RANBP2: variants seen among roughly 807,000 people sequenced by gnomAD.
The protein encoded by RANBP2 is E3 SUMO-protein ligase RanBP2.
Under a neutral mutation model 303.6 loss-of-function variants are expected in RANBP2, and 57 were observed. The observed-to-expected ratio is 0.19, with a 90% CI of 0.15 to 0.23. The LOEUF (loss-of-function observed/expected upper bound fraction) is 0.23. Among genes scored for constraint, RANBP2 ranks in the 10% least tolerant of loss-of-function variants. The probability of loss-of-function intolerance (pLI) is 1.00; values close to 1 mark genes in which losing one functional copy is unlikely to be tolerated. For synonymous variants in RANBP2, 1,167 were observed against 1,301.5 expected, an observed-to-expected ratio of 0.90 and a Z score of 2.23; for missense variants, 3,138 against 3,780.8, an observed-to-expected ratio of 0.83 and a Z score of 4.46.
At chr2:108,961,770 T>C in the RANBP2 span, among the ~76,000 whole-genome samples, 8 of 152,036 alleles carry the variant, frequency 5.3e-5, no homozygotes, top group African/African-American at 1.9e-4. Context: ...TCAGCCCATG[T>C]GTTGGGTCTT....
chr2:109,496,410 C>T, the RANBP2 span, among the ~76,000 whole-genome samples: 146 of 152,314 alleles, frequency 9.6e-4, no homozygotes, highest in African/African-American at 3.4e-3. Context: ...TTTTACAATC[C>T]TCTCATAAGA....
chr2:109,574,475 AG>A, the RANBP2 span: 1 of 669,754 alleles, frequency 1.5e-6, no homozygotes. Flanking sequence ...AATTTAAAAA[AG>A]ATGCACAGGA....
chr2:109,074,001 A>C, the RANBP2 span, among the ~76,000 whole-genome samples: 2 of 150,882 alleles, frequency 1.3e-5, no homozygotes, highest in Non-Finnish European at 3.0e-5. Flanking sequence ...AACAAAACCC[A>C]ACAATAAAAC....
the RANBP2 span, among the ~76,000 whole-genome samples, chr2:109,571,506 G>A: frequency 6.6e-6 from 1 of 152,184 alleles, no homozygotes; most frequent in African/African-American, 2.4e-5. Flanking sequence ...GTGTGTGTAT[G>A]TAGGCAACTA....
chr2:109,432,228 A>G, the RANBP2 span, among the ~76,000 whole-genome samples: 5 of 152,176 alleles, frequency 3.3e-5, no homozygotes, highest in African/African-American at 1.2e-4. Context: ...CCTATCTGTC[A>G]GATGGGCAGG....
the RANBP2 span, among the ~76,000 whole-genome samples, chr2:109,452,912 GGTGCC>G: frequency 1.3e-5 from 2 of 149,930 alleles, no homozygotes; most frequent in African/African-American, 4.9e-5. Context: ...CCGGGAGGCT[GGTGCC>G]AGGAGGCTGG....
At chr2:109,508,987 T>C in the RANBP2 span, among the ~76,000 whole-genome samples, 1 of 152,244 alleles carries the variant, frequency 6.6e-6, no homozygotes, top group Non-Finnish European at 1.5e-5. Flanking sequence ...TTGGCAAGAA[T>C]ACACAACACC....
the RANBP2 span, among the ~76,000 whole-genome samples, chr2:109,609,410 T>G: frequency 6.6e-6 from 1 of 152,042 alleles, no homozygotes; most frequent in Non-Finnish European, 1.5e-5. Context: ...GTTTACTTGA[T>G]GCAAAAGGTT....
At chr2:109,098,213 T>C in the RANBP2 span, among the ~76,000 whole-genome samples, 1 of 152,194 alleles carries the variant, frequency 6.6e-6, no homozygotes, top group Non-Finnish European at 1.5e-5. Context: ...CACTAAGCCT[T>C]GTTGGGCAAA....
the RANBP2 span, among the ~76,000 whole-genome samples, chr2:108,800,740 T>G: frequency 1.8e-5 from 2 of 113,182 alleles, no homozygotes; most frequent in East Asian, 6.4e-4. Context: ...ACTCATCATC[T>G]AGCATTAGGT....
At chr2:109,018,580 C>G in the RANBP2 span, among the ~76,000 whole-genome samples, 1 of 152,196 alleles carries the variant, frequency 6.6e-6, no homozygotes, top group Non-Finnish European at 1.5e-5. Context: ...CTCTCCACTC[C>G]CCTTCACTCT....
the RANBP2 span, among the ~76,000 whole-genome samples, chr2:109,553,833 G>A: frequency 1.1e-3 from 160 of 149,232 alleles, 2 homozygotes; most frequent in African/African-American, 3.8e-3. Context: ...CAGCCTGGGC[G>A]ACACAGCAAG....
At chr2:108,916,413 C>T in the RANBP2 span, among the ~76,000 whole-genome samples, 1 of 152,130 alleles carries the variant, frequency 6.6e-6, no homozygotes, top group Non-Finnish European at 1.5e-5. Flanking sequence ...GCCTAGAGAG[C>T]ACACAGACTT....
the RANBP2 span, among the ~76,000 whole-genome samples, chr2:109,197,042 T>A: frequency 1.3e-5 from 2 of 152,238 alleles, no homozygotes; most frequent in East Asian, 3.9e-4. Flanking sequence ...CTGTTTTCCC[T>A]TTTCTGCAGA....
At chr2:109,493,798 AC>A in the RANBP2 span, among the ~76,000 whole-genome samples, 1 of 152,102 alleles carries the variant, frequency 6.6e-6, no homozygotes, top group African/African-American at 2.4e-5. Flanking sequence ...AACACACATA[AC>A]ACACAGATAC....
chr2:108,835,327 A>G, the RANBP2 span, among the ~76,000 whole-genome samples: 1 of 152,224 alleles, frequency 6.6e-6, no homozygotes, highest in Non-Finnish European at 1.5e-5. Flanking sequence ...GTTCTTATTC[A>G]GAAAATATTC....
downstream of RANBP2, chr2:108,788,835 T>A (rs753956906): frequency 6.2e-7 from 1 of 1,613,832 alleles, no homozygotes; most frequent in Non-Finnish European, 8.5e-7. Context: ...CTTTCATGGT[T>A]TCTTTGTCGT....
chr2:109,631,508 C>A, the RANBP2 span, among the ~76,000 whole-genome samples: 25 of 152,154 alleles, frequency 1.6e-4, no homozygotes, highest in African/African-American at 5.6e-4. Context: ...GTAATCCCAG[C>A]ATTTTGGAAG....
the RANBP2 span, among the ~76,000 whole-genome samples, chr2:108,840,218 A>G: frequency 6.6e-6 from 1 of 152,006 alleles, no homozygotes; most frequent in African/African-American, 2.4e-5. Context: ...TTCTTTTTAT[A>G]TGTTTTTATA....
Sources: gnomAD v4.1 joint callset for allele counts (sites outside exome capture counted in the v4.1 genomes callset) on GRCh38, gnomAD v4.1.1 for gene constraint, MANE v1.5 for transcripts, NCBI Gene and HGNC (gene_info 2026-07-23, HGNC 2026-07-21) for gene names.